PHYHIPL: variants seen among roughly 807,000 people sequenced by gnomAD.
The protein encoded by PHYHIPL is phytanoyl-CoA hydroxylase-interacting protein-like.
Under a neutral mutation model 33.4 loss-of-function variants are expected in PHYHIPL, and 9 were observed. That is an observed-to-expected ratio of 0.27 (90% confidence interval 0.16 to 0.47). The LOEUF (loss-of-function observed/expected upper bound fraction) is 0.47. PHYHIPL is among the 20% of genes least tolerant of loss of function. PHYHIPL has a pLI of 0.99. For synonymous variants in PHYHIPL, 153 were observed against 154.1 expected (o/e 0.99, Z 0.05); for missense variants, 365 against 460.7 (o/e 0.79, Z 1.90).
chr10:59,231,165 G>A (rs1840069231), intron 1 of PHYHIPL, among the ~76,000 whole-genome samples: 1 of 151,876 alleles, frequency 6.6e-6, no homozygotes, highest in Admixed American at 6.6e-5. Flanking sequence ...GAAAACCCAG[G>A]TAGAGGAAGA....
chr10:59,180,599 A>G (rs775577521), intron 1 of PHYHIPL, among the ~76,000 whole-genome samples: 22 of 151,976 alleles, frequency 1.4e-4, no homozygotes, highest in Non-Finnish European at 2.4e-4. Flanking sequence ...CAGCAAGGAA[A>G]CACATTGGAA....
chr10:59,206,737 T>G lies in PHYHIPL; in HGVS notation c.107-27567T>G, dbSNP rs540923166. On this transcript the variant is annotated intron_variant, in intron 1 of 4. Coordinates refer to ENST00000373880, the MANE Select transcript of PHYHIPL (RefSeq NM_032439.4). ...ACATAACTAAAAGCTGTTATGCATT[T>G]CTTTTTTATTTTTTAGTTGTTTTTG... 3.4e-6 allele frequency: 4 copies of G among 1,175,392 alleles called. No individual in the cohort carries two copies. The African/African-American group carries it at 4.8e-5, about 14-fold the overall frequency. 72.8% of individuals were successfully genotyped at this position (1,175,392 alleles called of 1,614,324 possible).
At chr10:59,195,824 A>G (rs1838897411) in intron 1 of PHYHIPL, among the ~76,000 whole-genome samples, 2 of 152,172 alleles carry the variant, frequency 1.3e-5, no homozygotes, top group Non-Finnish European at 2.9e-5. Context: ...TGCCATGGTT[A>G]TATTGTAATG....
At chr10:59,227,341 A>G (rs1263536048) in intron 1 of PHYHIPL, among the ~76,000 whole-genome samples, 1 of 152,126 alleles carries the variant, frequency 6.6e-6, no homozygotes, top group Admixed American at 6.5e-5. Context: ...AGGCTGGGCT[A>G]ACTTTATAAC....
chr10:59,218,984 G>GC (rs1839690335), intron 1 of PHYHIPL, among the ~76,000 whole-genome samples: 1 of 151,810 alleles, frequency 6.6e-6, no homozygotes, highest in Admixed American at 6.6e-5. Flanking sequence ...AGGCTGGAGA[G>GC]CAGTGGCACA....
At chr10:59,190,109 G>A (rs1026834914) in intron 1 of PHYHIPL, among the ~76,000 whole-genome samples, 6 of 151,864 alleles carry the variant, frequency 4.0e-5, no homozygotes, top group African/African-American at 9.7e-5. Context: ...AATTTTATAC[G>A]TACAGCATTT....
At chr10:59,238,562 T>TAACA in intron 3 of PHYHIPL, 26 bp from the exon 4 acceptor site, 2 of 1,349,074 alleles carry the variant, frequency 1.5e-6, no homozygotes, top group Non-Finnish European at 2.1e-6. Flanking sequence ...ATATTTTTAA[T>TAACA]AACAGACTTT....
rs191925362 is a variant in PHYHIPL, at chr10:59,185,960, T to A, written c.106+9001T>A. On this transcript the variant is annotated intron_variant, in intron 1 of 4. Coordinates refer to ENST00000373880, the MANE Select transcript of PHYHIPL (RefSeq NM_032439.4). ...AGTTTCTTTTGCTGTGCAGAAGCTC[T>A]TTAGTTTAATTAGATACTATTTGTC... 4.9e-4 allele frequency among the ~76,000 whole-genome samples: 75 copies of A among 152,336 alleles called. 1 individual carries two copies. The East Asian group carries it at 0.014, about 28-fold the overall frequency.
intron 1 of PHYHIPL, among the ~76,000 whole-genome samples, chr10:59,195,290 A>C (rs955188619): frequency 1.3e-5 from 2 of 152,250 alleles, no homozygotes; most frequent in Non-Finnish European, 2.9e-5. Flanking sequence ...GCCACATAAC[A>C]AAAGACTAAC....
intron 1 of PHYHIPL, 43 bp from the exon 2 acceptor site, chr10:59,234,261 C>A: frequency 3.4e-6 from 5 of 1,449,978 alleles, no homozygotes; most frequent in South Asian, 2.7e-5. Context: ...ATTGGAAAAT[C>A]CATTAATTGG....
intron 2 of PHYHIPL, 35 bp from the exon 3 acceptor site, chr10:59,236,448 C>T (rs1394393677): frequency 1.4e-6 from 2 of 1,400,052 alleles, no homozygotes; most frequent in Non-Finnish European, 1.9e-6. Flanking sequence ...TGTCTCCCCT[C>T]ATTTTTCTCT....
At chr10:59,178,453 G>A (rs1838316255) in intron 1 of PHYHIPL, among the ~76,000 whole-genome samples, 1 of 152,122 alleles carries the variant, frequency 6.6e-6, no homozygotes, top group South Asian at 2.1e-4. Flanking sequence ...CGCATAGGAA[G>A]TCATTTGGAT....
At chr10:59,204,595 G>T (rs906311918) in intron 1 of PHYHIPL, among the ~76,000 whole-genome samples, 1 of 152,082 alleles carries the variant, frequency 6.6e-6, no homozygotes, top group Admixed American at 6.6e-5. Flanking sequence ...CTCAGTTTAT[G>T]TTGATTTTGT....
chr10:59,206,772 C>T (rs1839294454), intron 1 of PHYHIPL: 2 of 1,232,346 alleles, frequency 1.6e-6, no homozygotes, highest in African/African-American at 1.6e-5. Context: ...GAAGAACTTA[C>T]ATCCAAACAG....
intron 3 of PHYHIPL, among the ~76,000 whole-genome samples, chr10:59,238,132 G>T (rs930673257): frequency 6.6e-6 from 1 of 151,812 alleles, no homozygotes; most frequent in African/African-American, 2.4e-5. Flanking sequence ...GATTTACTTT[G>T]ACAGGTGCTT....
At chr10:59,189,769 G>T (rs1272347407) in intron 1 of PHYHIPL, among the ~76,000 whole-genome samples, 1 of 151,930 alleles carries the variant, frequency 6.6e-6, no homozygotes, top group Non-Finnish European at 1.5e-5. Context: ...AGTCTAAGGA[G>T]CAACATTTTA....
intron 1 of PHYHIPL, among the ~76,000 whole-genome samples, chr10:59,184,494 G>C (rs1838508194): frequency 6.6e-6 from 1 of 152,142 alleles, no homozygotes; most frequent in Non-Finnish European, 1.5e-5. Flanking sequence ...TTGCGATTAG[G>C]CGAGTCAGGC....
intron 3 of PHYHIPL, among the ~76,000 whole-genome samples, chr10:59,238,090 T>G (rs551330625): frequency 2.0e-5 from 3 of 152,000 alleles, no homozygotes; most frequent in African/African-American, 7.2e-5. Context: ...CTTAAACAAC[T>G]TTCAAAACAA....
intron 1 of PHYHIPL, among the ~76,000 whole-genome samples, chr10:59,216,885 G>T (rs757879260): frequency 6.6e-6 from 1 of 152,086 alleles, no homozygotes; most frequent in Non-Finnish European, 1.5e-5. Flanking sequence ...GCTTGAAAGC[G>T]CAAACTATAG....
Sources: allele counts gnomAD v4.1 joint callset (sites outside exome capture counted in the v4.1 genomes callset), GRCh38; gene constraint gnomAD v4.1.1; transcripts MANE v1.5; gene names NCBI Gene and HGNC (gene_info 2026-07-23, HGNC 2026-07-21).